TENM2: variants seen among roughly 807,000 people sequenced by gnomAD.
TENM2 encodes the protein teneurin transmembrane protein 2, also known as teneurin-2.
A neutral mutation model predicts 245.2 loss-of-function variants in TENM2; 52 were observed. The ratio of observed to expected loss-of-function variants is 0.21; its 90% confidence interval spans 0.17 to 0.27. The LOEUF (loss-of-function observed/expected upper bound fraction) is 0.27, where lower values mean the gene tolerates loss of function less well. Ranked by LOEUF, TENM2 falls within the 10% of genes least tolerant of loss-of-function variation. TENM2 has a pLI of 1.00. For synonymous variants in TENM2, 1,363 were observed against 1,438.9 expected, an observed-to-expected ratio of 0.95 and a Z score of 1.19; for missense variants, 3,046 against 3,666.8, an observed-to-expected ratio of 0.83 and a Z score of 4.37.
At chr5:167,109,803 A>G in the TENM2 span, among the ~76,000 whole-genome samples, 2 of 152,328 alleles carry the variant, frequency 1.3e-5, no homozygotes, top group Non-Finnish European at 2.9e-5. Context: ...ATTTTGGCAT[A>G]GGATGCTAGT....
At chr5:168,025,742 T>C (rs1445879034) in intron 5 of TENM2, among the ~76,000 whole-genome samples, 11 of 152,132 alleles carry the variant, frequency 7.2e-5, no homozygotes, top group Non-Finnish European at 1.3e-4. Flanking sequence ...CCATTGAAGA[T>C]GTGTTGGTAT....
At chr5:168,114,683 C>T (rs1367713578) in intron 9 of TENM2, among the ~76,000 whole-genome samples, 2 of 152,172 alleles carry the variant, frequency 1.3e-5, no homozygotes, top group Non-Finnish European at 2.9e-5. Context: ...TGTGATGAGC[C>T]GCCTTCCACT....
chr5:167,223,566 C>T, the TENM2 span, among the ~76,000 whole-genome samples: 1 of 151,992 alleles, frequency 6.6e-6, no homozygotes. Context: ...TGTTTATGTG[C>T]CAGGTTTTCT....
chr5:167,739,121 C>T (rs1760999439), intron 2 of TENM2, among the ~76,000 whole-genome samples: 1 of 152,208 alleles, frequency 6.6e-6, no homozygotes, highest in Non-Finnish European at 1.5e-5. Context: ...CCCTCTCCCT[C>T]ATTTGTTCCC....
chr5:168,052,309 T>C (rs898735767), intron 6 of TENM2, among the ~76,000 whole-genome samples: 10 of 151,514 alleles, frequency 6.6e-5, no homozygotes, highest in Non-Finnish European at 1.5e-4. Context: ...GAGAATGGCG[T>C]GAACCCAGGA....
chr5:167,704,081 C>T (rs924777753), intron 2 of TENM2, among the ~76,000 whole-genome samples: 3 of 152,138 alleles, frequency 2.0e-5, no homozygotes, highest in East Asian at 3.9e-4. Context: ...CCTCAGAGAA[C>T]TGTGTGGTGG....
intron 5 of TENM2, among the ~76,000 whole-genome samples, chr5:168,041,008 G>A (rs1788138571): frequency 6.6e-6 from 1 of 152,200 alleles, no homozygotes; most frequent in Non-Finnish European, 1.5e-5. Context: ...TCATGAGTGA[G>A]CCTTGACAAT....
At chr5:167,271,635 A>G in the TENM2 span, among the ~76,000 whole-genome samples, 2 of 152,130 alleles carry the variant, frequency 1.3e-5, no homozygotes, top group African/African-American at 4.8e-5. Flanking sequence ...AGTACGTAAA[A>G]AATGTTTTTC....
intron 3 of TENM2, among the ~76,000 whole-genome samples, chr5:167,904,845 G>C (rs947789769): frequency 7.9e-5 from 12 of 152,156 alleles, no homozygotes; most frequent in African/African-American, 2.7e-4. Context: ...CCTCATCTCA[G>C]AAACCCTTCA....
the TENM2 span, among the ~76,000 whole-genome samples, chr5:167,107,503 T>C: frequency 3.3e-5 from 5 of 152,116 alleles, no homozygotes; most frequent in African/African-American, 9.7e-5. Context: ...ATTTCTATGA[T>C]TGGTATGATA....
chr5:167,831,799 C>T (rs190977895), intron 2 of TENM2, among the ~76,000 whole-genome samples: 1 of 152,202 alleles, frequency 6.6e-6, no homozygotes, highest in East Asian at 1.9e-4. Flanking sequence ...ACAACAACAA[C>T]AATTTGCTGC....
At chr5:167,533,075 G>A (rs1243017256) in intron 2 of TENM2, among the ~76,000 whole-genome samples, 1 of 152,098 alleles carries the variant, frequency 6.6e-6, no homozygotes, top group African/African-American at 2.4e-5. Context: ...GAAGGAGATA[G>A]TATATTAGTA....
chr5:168,120,490 G>T (rs1581369856), intron 10 of TENM2, among the ~76,000 whole-genome samples: 2 of 152,316 alleles, frequency 1.3e-5, no homozygotes, highest in Admixed American at 1.3e-4. Flanking sequence ...CAACAACATT[G>T]CCAGTCTTCG....
chr5:167,892,926 A>G (rs923917533), intron 3 of TENM2, among the ~76,000 whole-genome samples: 3 of 152,194 alleles, frequency 2.0e-5, no homozygotes, highest in African/African-American at 7.2e-5. Context: ...ATGATTGTTT[A>G]TTAATAGCAA....
intron 2 of TENM2, among the ~76,000 whole-genome samples, chr5:167,395,284 A>G (rs1761987500): frequency 6.6e-6 from 1 of 152,026 alleles, no homozygotes. Flanking sequence ...TCCTTTTCAA[A>G]TAGTTCAGTG....
the TENM2 span, among the ~76,000 whole-genome samples, chr5:167,105,887 CAAAAAAAAAAAAAAAAAAAAAAAAAAAAA>C: frequency 1.0e-4 from 5 of 48,848 alleles, no homozygotes; most frequent in Non-Finnish European, 3.3e-5. Context: ...GACTCCGTCT[CAAAAAAAAAAAAAAAAAAAAAAAAAAAAA>C]AAAAAAAAAA....
chr5:167,547,992 A>G (rs1422137231), intron 2 of TENM2, among the ~76,000 whole-genome samples: 4 of 152,194 alleles, frequency 2.6e-5, no homozygotes, highest in Admixed American at 6.5e-5. Flanking sequence ...CCCTTAAGTA[A>G]TTATAAAACA....
At chr5:167,401,742 A>G (rs958265949) in intron 2 of TENM2, among the ~76,000 whole-genome samples, 2 of 152,192 alleles carry the variant, frequency 1.3e-5, no homozygotes, top group Non-Finnish European at 2.9e-5. Flanking sequence ...AAATTATCCT[A>G]TTAGAACACT....
chr5:167,419,663 C>A (rs1008360659), intron 2 of TENM2, among the ~76,000 whole-genome samples: 1 of 152,142 alleles, frequency 6.6e-6, no homozygotes, highest in Non-Finnish European at 1.5e-5. Context: ...ATGAAAAGTG[C>A]ATCCATTCTA....
Sources: gnomAD v4.1 joint callset for allele counts (sites outside exome capture counted in the v4.1 genomes callset) on GRCh38, gnomAD v4.1.1 for gene constraint, MANE v1.5 for transcripts, NCBI Gene and HGNC (gene_info 2026-07-23, HGNC 2026-07-21) for gene names.